Variants in SLC5A4 observed in about 807,000 individuals in gnomAD.
SLC5A4 encodes probable glucose sensor protein SLC5A4.
Under a neutral mutation model 70.3 loss-of-function variants are expected in SLC5A4, and 55 were observed. That is an observed-to-expected ratio of 0.78 (90% CI 0.63 to 0.98). The LOEUF (loss-of-function observed/expected upper bound fraction) is 0.98. Ranked by LOEUF, SLC5A4 falls within the 50% of genes least tolerant of loss-of-function variation. The pLI is 0.00. For synonymous variants in SLC5A4, 268 were observed against 305.7 expected, an observed-to-expected ratio of 0.88 and a Z score of 1.29; for missense variants, 735 against 839.2, an observed-to-expected ratio of 0.88 and a Z score of 1.53.
At chr22:32,287,951 G>A in the SLC5A4 span, among the ~76,000 whole-genome samples, 1 of 151,328 alleles carries the variant, frequency 6.6e-6, no homozygotes, top group African/African-American at 2.4e-5. Context: ...AGACCAAGAA[G>A]AAGCAGGTAT....
chr22:32,337,956 A>G, the SLC5A4 span, among the ~76,000 whole-genome samples: 1 of 152,198 alleles, frequency 6.6e-6, no homozygotes, highest in Non-Finnish European at 1.5e-5. Context: ...ATAATTTGCA[A>G]TAGTGGCTGT....
At chr22:32,298,355 A>G in the SLC5A4 span, among the ~76,000 whole-genome samples, 4 of 145,596 alleles carry the variant, frequency 2.7e-5, no homozygotes, top group Non-Finnish European at 6.0e-5. Flanking sequence ...GGGTGCATAT[A>G]TATTTAGGAT....
chr22:32,228,162 G>T (rs1925515337), intron 11 of SLC5A4, among the ~76,000 whole-genome samples: 1 of 152,122 alleles, frequency 6.6e-6, no homozygotes, highest in Non-Finnish European at 1.5e-5. Context: ...TCCTCACTTG[G>T]TGACACATCT....
the SLC5A4 span, among the ~76,000 whole-genome samples, chr22:32,297,523 G>C: frequency 3.7e-5 from 3 of 81,056 alleles, no homozygotes; most frequent in Non-Finnish European, 7.5e-5. Flanking sequence ...TTTTTATTGT[G>C]TCTATTTGAT....
chr22:32,330,294 GGGGGCTCTGTT>G, the SLC5A4 span, among the ~76,000 whole-genome samples: 1 of 31,926 alleles, frequency 3.1e-5, no homozygotes, highest in African/African-American at 1.5e-4. Context: ...TGTATATGTT[GGGGGCTCTGTT>G]GGGGGCTCTG....
the SLC5A4 span, among the ~76,000 whole-genome samples, chr22:32,307,709 G>A: frequency 6.6e-6 from 1 of 152,224 alleles, no homozygotes; most frequent in Non-Finnish European, 1.5e-5. Context: ...CTAGGGCACT[G>A]TGCCTGGCAT....
the SLC5A4 span, among the ~76,000 whole-genome samples, chr22:32,304,579 CTGTTTTCTTA>C: frequency 6.6e-6 from 1 of 152,146 alleles, no homozygotes; most frequent in African/African-American, 2.4e-5. Flanking sequence ...GTGCCTGGCT[CTGTTTTCTTA>C]TGGTTGAGTT....
At position 32,229,176 on chromosome 22, in the gene SLC5A4, G is replaced by A. The variant is rs200221311; in HGVS notation, c.1280+18C>T. On this transcript the variant is annotated intron_variant, in intron 11 of 14. Transcript: ENST00000266086. ...TACTTCTCCAGAGGATTCTAGGTGG[G>A]AACCAGGGTTCACTCACCGTCCAGC... 1 of 1,611,148 alleles carries A rather than the reference G, an allele frequency of 6.2e-7. No homozygotes were observed. Among genetic ancestry groups the A allele is most frequent in the Admixed American group, 1.7e-5 (1 of 59,922 alleles).
the SLC5A4 span, chr22:32,271,696 G>A: frequency 1.8e-6 from 1 of 567,322 alleles, no homozygotes; most frequent in South Asian, 1.8e-5. Flanking sequence ...TGCACCCCGT[G>A]GGCATCAATG....
chr22:32,324,150 G>A, the SLC5A4 span, among the ~76,000 whole-genome samples: 4 of 151,934 alleles, frequency 2.6e-5, no homozygotes, highest in South Asian at 2.1e-4. Flanking sequence ...TGGCATTGAC[G>A]CGGCTCTATT....
At chr22:32,341,236 G>A in the SLC5A4 span, among the ~76,000 whole-genome samples, 3 of 152,048 alleles carry the variant, frequency 2.0e-5, no homozygotes, top group Non-Finnish European at 4.4e-5. Context: ...TCTGGGTGGG[G>A]GTCCCCAGGG....
At chr22:32,294,068 TTAG>T in the SLC5A4 span, among the ~76,000 whole-genome samples, 85 of 152,220 alleles carry the variant, frequency 5.6e-4, no homozygotes, top group African/African-American at 1.9e-3. Context: ...CTACTTCAGT[TTAG>T]TAGAGCTTCT....
chr22:32,342,224 G>A, the SLC5A4 span, among the ~76,000 whole-genome samples: 1 of 152,206 alleles, frequency 6.6e-6, no homozygotes, highest in Admixed American at 6.5e-5. Flanking sequence ...ACTGACTTGA[G>A]AACCTCTTCC....
At chr22:32,307,420 G>C in the SLC5A4 span, among the ~76,000 whole-genome samples, 1 of 152,272 alleles carries the variant, frequency 6.6e-6, no homozygotes, top group South Asian at 2.1e-4. Context: ...GAGTGTGTCC[G>C]TTAGGCACAA....
chr22:32,278,657 A>C, the SLC5A4 span, among the ~76,000 whole-genome samples: 3 of 152,224 alleles, frequency 2.0e-5, no homozygotes, highest in Non-Finnish European at 2.9e-5. Context: ...ACTATATTCA[A>C]AGAAGAATGG....
the SLC5A4 span, among the ~76,000 whole-genome samples, chr22:32,265,153 A>G: frequency 6.6e-6 from 1 of 152,212 alleles, no homozygotes; most frequent in Admixed American, 6.5e-5. Context: ...TTATCCCAGC[A>G]CTTTGGAAGG....
the SLC5A4 span, among the ~76,000 whole-genome samples, chr22:32,299,337 G>A: frequency 4.4e-3 from 654 of 149,230 alleles, 7 homozygotes; most frequent in African/African-American, 0.016. Context: ...CATATTTCTT[G>A]GAGGCTTTGC....
chr22:32,308,348 C>G, the SLC5A4 span, among the ~76,000 whole-genome samples: 1 of 152,182 alleles, frequency 6.6e-6, no homozygotes, highest in East Asian at 1.9e-4. Context: ...ACGGTGATTG[C>G]GAAGGCAGCC....
chr22:32,244,341 T>C (rs918486335), intron 5 of SLC5A4, among the ~76,000 whole-genome samples: 6 of 152,236 alleles, frequency 3.9e-5, no homozygotes, highest in African/African-American at 1.4e-4. Flanking sequence ...CATACTGCTT[T>C]ATCCTCATCC....
Sources: gnomAD v4.1 joint callset for allele counts (sites outside exome capture counted in the v4.1 genomes callset) on GRCh38, gnomAD v4.1.1 for gene constraint, MANE v1.5 for transcripts, NCBI Gene and HGNC (gene_info 2026-07-23, HGNC 2026-07-21) for gene names.